GPR180: variants seen among roughly 807,000 people sequenced by gnomAD.
GPR180 encodes the protein integral membrane protein GPR180.
A neutral mutation model predicts 52.6 loss-of-function variants in GPR180; 53 were observed. That is an observed-to-expected ratio of 1.01 (90% CI 0.81 to 1.27). The LOEUF (loss-of-function observed/expected upper bound fraction) is 1.27, where lower values mean the gene tolerates loss of function less well. Ranked by LOEUF, GPR180 falls within the 50% of genes most tolerant of loss-of-function variation. The pLI, the probability that GPR180 is intolerant of heterozygous loss-of-function variation, is 0.00. For synonymous variants in GPR180, 200 were observed against 193.1 expected (o/e 1.04, Z -0.30); for missense variants, 533 against 527.0 (o/e 1.01, Z -0.11).
intron 7 of GPR180, among the ~76,000 whole-genome samples, chr13:94,625,187 G>A (rs927215760): frequency 2.0e-5 from 3 of 152,138 alleles, no homozygotes; most frequent in African/African-American, 7.2e-5. Context: ...TTCTAAATAG[G>A]ATCAAACATC....
intron 3 of GPR180, among the ~76,000 whole-genome samples, chr13:94,616,010 G>T (rs1284601734): frequency 6.6e-6 from 1 of 152,160 alleles, no homozygotes; most frequent in Admixed American, 6.5e-5. Context: ...CTCCAGGGTG[G>T]TTTATTTAGC....
chr13:94,602,042 G>A lies in GPR180; in HGVS notation c.115G>A (p.Gly39Ser). The A allele has an allele frequency of 6.9e-7, 1 of 1,443,204 alleles. No homozygotes were observed. Among genetic ancestry groups the A allele is most frequent in the South Asian group, 1.4e-5 (1 of 70,466 alleles). The allele number at this position is 1,443,204 out of a possible 1,614,324, so 89.4% of individuals were successfully genotyped here. Residue 39 changes from glycine to serine, a missense_variant, in exon 1 of 9, where the codon GGC (glycine) becomes AGC (serine). By Grantham distance (56) the Gly-to-Ser change is moderately conservative (BLOSUM62 0). Coordinates refer to ENST00000376958, the MANE Select transcript of GPR180 (RefSeq NM_180989.6). ...FSSTAAQDAQGQRIGHFEFHG... is the reference protein window; with the variant it reads ...FSSTAAQDAQSQRIGHFEFHG... ...CAGCACCGCGGCCCAGGACGCCCAGGGCCAGCGCATCGGCCACTTCGAGTT... is the reference window on the plus strand; with the variant it reads ...CAGCACCGCGGCCCAGGACGCCCAGAGCCAGCGCATCGGCCACTTCGAGTT...
rs1001952172 is a variant in GPR180, at chr13:94,619,218, T to C, written c.574T>C (p.Leu192=). The C allele has an allele frequency of 6.8e-6, 11 of 1,614,018 alleles. No homozygotes were observed. The highest frequency in any genetic ancestry group is 8.5e-6 in the Non-Finnish European group (10 of 1,180,004). ...GATTGCTTGCATTTATGCTCAATCA[T>C]TGTGGCAGGCTATTAAGAAAGGCGG... ...FVIACIYAQS[L]WQAIKKGGPM... is the part of the protein sequence containing the mutation. The change falls in exon 4 of 9, where the codon TTG becomes CTG. Residue 192 remains leucine, a synonymous_variant. Transcript: ENST00000376958.
chr13:94,623,446 A>G (rs1162807540), intron 7 of GPR180, 146 bp downstream of exon 7: 2 of 611,362 alleles, frequency 3.3e-6, no homozygotes, highest in African/African-American at 3.7e-5. Context: ...AGTGCTTTGG[A>G]AGGCCAAGAC....
At position 94,619,159 on chromosome 13, in the gene GPR180, A is replaced by G; in HGVS notation, c.515A>G (p.Glu172Gly). The G allele has an allele frequency of 1.2e-6, 2 of 1,613,584 alleles. No individual in the cohort carries two copies. The highest frequency in any genetic ancestry group is 1.7e-6 in the Non-Finnish European group (2 of 1,179,788). The change falls in exon 4 of 9, where the codon GAG becomes GGG. Residue 172 changes from glutamate (E) to glycine (G), a missense_variant. Physicochemically the swap from Glu to Gly is moderately conservative, Grantham distance 98. Transcript: ENST00000376958. ...TTTCTTCTCTTCACAGGGTTACATG[A>G]GTTCTTTTTCCTCCTAGTCCTAGTG... The part of the protein sequence containing the change: ...HFSAGESGLH[E>G]FFFLLVLVYF...
chr13:94,611,272 C>T (rs138147678), intron 2 of GPR180, among the ~76,000 whole-genome samples: 7 of 152,102 alleles, frequency 4.6e-5, no homozygotes, highest in Non-Finnish European at 1.0e-4. Context: ...AAAGAACAAC[C>T]AATCAGAAAA....
rs1239491996 is a variant in GPR180 at position 94,632,993 on chromosome 13, A to G, written c.*5822A>G. The G allele has an allele frequency of 6.6e-6, 1 of 152,246 alleles. No individual in the cohort carries two copies. Among genetic ancestry groups the G allele is most frequent in the East Asian group, 1.9e-4 (1 of 5,202 alleles). 9.4% of individuals were successfully genotyped at this position (152,246 alleles called of 1,614,324 possible). On this transcript the variant is annotated 3_prime_UTR_variant, in exon 9 of 9. Coordinates refer to ENST00000376958, the MANE Select transcript of GPR180 (RefSeq NM_180989.6). ...GGGTGACATGTCCCTGAGGGCACAG[A>G]AACTTTGTGTTTGGGATCCTCTTAC...
chr13:94,617,218 TTAAAGA>T (rs1889790388), intron 3 of GPR180, among the ~76,000 whole-genome samples: 1 of 152,100 alleles, frequency 6.6e-6, no homozygotes, highest in Admixed American at 6.5e-5. Flanking sequence ...GTCAGAAACT[TTAAAGA>T]TATTCTGTAA....
At chr13:94,606,738 A>G (rs944789431) in intron 2 of GPR180, among the ~76,000 whole-genome samples, 3 of 152,240 alleles carry the variant, frequency 2.0e-5, no homozygotes, top group Admixed American at 6.5e-5. Flanking sequence ...GCAACTAGCT[A>G]GATCAGTGAA....
Position 94,601,857 on chromosome 13 carries a change from A to C in GPR180, c.-71A>C. ...CTCCGGCGCCCACCCCGCCTCCCCC[A>C]GCTGCCGACGTGGGGCGGGCAGCCG... On this transcript the variant is annotated 5_prime_UTR_variant, in exon 1 of 9. Transcript: ENST00000376958. The C allele has an allele frequency of 7.6e-7, 1 of 1,310,132 alleles. No homozygotes were observed. The highest frequency in any genetic ancestry group is 9.8e-7 in the Non-Finnish European group (1 of 1,023,762). The allele number at this position is 1,310,132 out of a possible 1,614,324, so 81.2% of individuals were successfully genotyped here. A position where few individuals can be genotyped will look rare whatever the true frequency, so the allele number is the denominator to read the frequency against.
At chr13:94,624,594 A>G (rs558532382) in intron 7 of GPR180, among the ~76,000 whole-genome samples, 4 of 152,186 alleles carry the variant, frequency 2.6e-5, no homozygotes, top group Admixed American at 6.5e-5. Flanking sequence ...GTCTCGCTCT[A>G]TCGCCCAGGC....
At chr13:94,617,613 CCCCCTAACGAGG>C (rs1471448398) in intron 3 of GPR180, among the ~76,000 whole-genome samples, 1 of 152,102 alleles carries the variant, frequency 6.6e-6, no homozygotes, top group Non-Finnish European at 1.5e-5. Context: ...CTGCTTTTTT[CCCCCTAACGAGG>C]CCAAAAGCCT....
Position 94,630,503 on chromosome 13 carries a change from C to T in GPR180, c.*3332C>T, listed in dbSNP as rs1419231937. On this transcript the variant is annotated 3_prime_UTR_variant, in exon 9 of 9. Transcript: ENST00000376958. ...TAAATCAGATCAAACTACTACTTCC[C>T]TGACAAAAACCCTCCATGTGCCTCT... 1.3e-5 allele frequency: 2 copies of T among 152,200 alleles called. No homozygotes were observed. Among genetic ancestry groups the T allele is most frequent in the African/African-American group, 2.4e-5 (1 of 41,446 alleles). The allele number at this position is 152,200 out of a possible 1,614,324, so 9.4% of individuals were successfully genotyped here. A position where few individuals can be genotyped will look rare whatever the true frequency, so the allele number is the denominator to read the frequency against.
intron 1 of GPR180, among the ~76,000 whole-genome samples, chr13:94,602,957 A>G (rs1203634592): frequency 6.6e-6 from 1 of 152,224 alleles, no homozygotes; most frequent in East Asian, 1.9e-4. Context: ...AACGATGAAC[A>G]TCAGAATATT....
chr13:94,620,180 TC>T (rs1889833946), intron 5 of GPR180, among the ~76,000 whole-genome samples: 1 of 152,234 alleles, frequency 6.6e-6, no homozygotes, highest in South Asian at 2.1e-4. Context: ...GAGACTAGAC[TC>T]AGACCTAAAT....
intron 2 of GPR180, among the ~76,000 whole-genome samples, chr13:94,606,523 C>T (rs371746842): frequency 4.6e-5 from 7 of 152,252 alleles, no homozygotes; most frequent in South Asian, 4.2e-4. Flanking sequence ...TTTTGCACCT[C>T]GCAAGTTAAT....
chr13:94,624,661 C>A (rs1889900087), intron 7 of GPR180, among the ~76,000 whole-genome samples: 2 of 151,750 alleles, frequency 1.3e-5, no homozygotes, highest in South Asian at 4.2e-4. Flanking sequence ...GGGTTCATGC[C>A]ATTCTCCTGC....
chr13:94,627,193 A>G lies in GPR180; in HGVS notation c.*22A>G. 6.2e-7 allele frequency: 1 copy of G among 1,606,862 alleles called. No homozygotes were observed. The highest frequency in any genetic ancestry group is 8.5e-7 in the Non-Finnish European group (1 of 1,175,582). On this transcript the variant is annotated 3_prime_UTR_variant, in exon 9 of 9. Coordinates refer to ENST00000376958, the MANE Select transcript of GPR180 (RefSeq NM_180989.6). Reference sequence around the variant, plus strand: ...CTGATACTTGATTTTTGTTGAGAGGAAAAGTGAATTGGTTAAAAGAGTGCA... The same window carrying G: ...CTGATACTTGATTTTTGTTGAGAGGGAAAGTGAATTGGTTAAAAGAGTGCA...
intron 1 of GPR180, 125 bp downstream of exon 1, chr13:94,602,197 C>G: frequency 1.1e-6 from 1 of 880,606 alleles, no homozygotes; most frequent in Non-Finnish European, 1.5e-6. Context: ...CCCAGCCTCA[C>G]CTGGACCTCC....
Sources: gnomAD v4.1 joint callset for allele counts (sites outside exome capture counted in the v4.1 genomes callset) on GRCh38, gnomAD v4.1.1 for gene constraint, MANE v1.5 for transcripts, NCBI Gene and HGNC (gene_info 2026-07-23, HGNC 2026-07-21) for gene names.